The following SLC39A8 variants were observed in gnomAD, a reference collection of about 807,000 sequenced individuals.
The protein encoded by SLC39A8 is solute carrier family 39 member 8.
Under a neutral mutation model 40.4 loss-of-function variants are expected in SLC39A8, and 15 were observed. The observed-to-expected ratio is 0.37, with a 90% confidence interval of 0.25 to 0.57. The LOEUF (loss-of-function observed/expected upper bound fraction) is 0.57. SLC39A8 is among the 20% of genes least tolerant of loss of function. The pLI is 0.75. For missense variants in SLC39A8, 472 were observed against 558.8 expected (o/e 0.84, Z 1.57); for synonymous variants, 223 against 221.6 (o/e 1.01, Z -0.06).
chr4:102,306,941 G>A (rs373238785), intron 4 of SLC39A8, among the ~76,000 whole-genome samples: 3 of 151,800 alleles, frequency 2.0e-5, no homozygotes, highest in East Asian at 3.9e-4. Context: ...TCCACAGTTG[G>A]AAAAAATGAA....
chr4:102,302,698 G>C (rs1326397982), intron 6 of SLC39A8, among the ~76,000 whole-genome samples: 2 of 151,830 alleles, frequency 1.3e-5, no homozygotes, highest in African/African-American at 4.8e-5. Context: ...AGCATCTTTG[G>C]GTTTGCTATT....
At chr4:102,267,383 G>C in intron 8 of SLC39A8, 107 bp downstream of exon 8, 1 of 941,480 alleles carries the variant, frequency 1.1e-6, no homozygotes, top group Non-Finnish European at 1.6e-6. Flanking sequence ...CAACAGAAAG[G>C]CCTTCCACAC....
At chr4:102,269,016 C>A (rs1043114142) in intron 6 of SLC39A8, among the ~76,000 whole-genome samples, 4 of 152,150 alleles carry the variant, frequency 2.6e-5, no homozygotes, top group Non-Finnish European at 5.9e-5. Flanking sequence ...ACCTAAGCAG[C>A]TAATCATTAC....
Position 102,261,995 on chromosome 4 carries a change from T to C in SLC39A8, c.*1049A>G, listed in dbSNP as rs2149000643. 1 of 985,926 alleles carries C rather than the reference T, an allele frequency of 1.0e-6. No homozygotes were observed. Among genetic ancestry groups the C allele is most frequent in the South Asian group, 4.7e-5 (1 of 21,286 alleles). The allele number at this position is 985,926 out of a possible 1,614,324, so 61.1% of individuals were successfully genotyped here. On this transcript the variant is annotated 3_prime_UTR_variant, in exon 9 of 9. Coordinates refer to ENST00000356736, the MANE Select transcript of SLC39A8 (RefSeq NM_001135146.2). ...AAAATAACCATGGTGTGCTAATTTTTTTCAAGGTATACCATATGGAAAAGT... is the reference window on the plus strand; with the variant it reads ...AAAATAACCATGGTGTGCTAATTTTCTTCAAGGTATACCATATGGAAAAGT...
chr4:102,291,325 A>C (rs1385426017), intron 6 of SLC39A8, among the ~76,000 whole-genome samples: 1 of 151,494 alleles, frequency 6.6e-6, no homozygotes, highest in Non-Finnish European at 1.5e-5. Context: ...GTTATTCAGC[A>C]CACACACACA....
chr4:102,339,674 C>T (rs1204124834), intron 2 of SLC39A8, among the ~76,000 whole-genome samples: 1 of 152,124 alleles, frequency 6.6e-6, no homozygotes, highest in Non-Finnish European at 1.5e-5. Flanking sequence ...CTTTTGCATA[C>T]TCTTCAGCCA....
At chr4:102,314,942 C>G (rs1734593103) in intron 3 of SLC39A8, among the ~76,000 whole-genome samples, 1 of 152,028 alleles carries the variant, frequency 6.6e-6, no homozygotes, top group Non-Finnish European at 1.5e-5. Flanking sequence ...CTTGGTATGT[C>G]GTTCAATAAA....
chr4:102,264,249 G>T (rs560429094), intron 8 of SLC39A8, among the ~76,000 whole-genome samples: 2 of 152,298 alleles, frequency 1.3e-5, no homozygotes, highest in African/African-American at 2.4e-5. Flanking sequence ...ATGGACTGCG[G>T]AATGTATGTT....
rs139610729 is a variant in SLC39A8 at position 102,272,920 on chromosome 4, C to T, written c.841-4841G>A. Among the ~76,000 whole-genome samples the T allele has an allele frequency of 1.2e-4, 18 of 152,266 alleles. No individual in the cohort carries two copies. In the East Asian group the frequency reaches 3.3e-3, roughly 28 times the overall value. ...GGGACAGTGCTCTCCAGCCCAGATA[C>T]TATGCTTTTCCCAAGGTCTTTGCAA... On this transcript the variant is annotated intron_variant, in intron 6 of 8. Coordinates refer to ENST00000356736, the MANE Select transcript of SLC39A8 (RefSeq NM_001135146.2).
chr4:102,289,781 G>C (rs1733341134), intron 6 of SLC39A8, among the ~76,000 whole-genome samples: 1 of 152,274 alleles, frequency 6.6e-6, no homozygotes, highest in African/African-American at 2.4e-5. Context: ...GCAATCTCAT[G>C]ATCAAACTTG....
chr4:102,324,079 G>T (rs1347682919), intron 2 of SLC39A8, among the ~76,000 whole-genome samples: 2 of 152,052 alleles, frequency 1.3e-5, no homozygotes, highest in African/African-American at 2.4e-5. Context: ...TAACAAAACT[G>T]CCCTTGTACT....
chr4:102,270,144 T>G (rs1732282866), intron 6 of SLC39A8, among the ~76,000 whole-genome samples: 1 of 152,220 alleles, frequency 6.6e-6, no homozygotes, highest in Admixed American at 6.5e-5. Flanking sequence ...TTTGTCTAAT[T>G]ACATGTTTAA....
At position 102,304,470 on chromosome 4, in the gene SLC39A8, G is replaced by C. The variant is rs1297785551; in HGVS notation, c.687C>G (p.Thr229=). 2 of 1,609,356 alleles carry C rather than the reference G, an allele frequency of 1.2e-6. No homozygotes were observed. The highest frequency in any genetic ancestry group is 2.7e-5 in the African/African-American group (2 of 74,530). The change falls in exon 6 of 9, where the codon ACC becomes ACG. Residue 229 remains threonine, a synonymous_variant. Coordinates refer to ENST00000356736, the MANE Select transcript of SLC39A8 (RefSeq NM_001135146.2). ...GACCAAAGTTATCATTTCCAAAGTG[G>C]GTATGACCATTCTATATGGGAACAA... ...LLKTYGQNGH[T]HFGNDNFGPQ...
At chr4:102,339,343 A>G (rs375375400) in intron 2 of SLC39A8, among the ~76,000 whole-genome samples, 1 of 151,946 alleles carries the variant, frequency 6.6e-6, no homozygotes, top group Admixed American at 6.6e-5. Flanking sequence ...AAAAGAACAA[A>G]TGTTCTTTAT....
At chr4:102,329,066 T>C (rs1735339193) in intron 2 of SLC39A8, among the ~76,000 whole-genome samples, 1 of 151,092 alleles carries the variant, frequency 6.6e-6, no homozygotes, top group Non-Finnish European at 1.5e-5. Context: ...TGTAGCATAG[T>C]CTGGTAAGTG....
intron 6 of SLC39A8, among the ~76,000 whole-genome samples, chr4:102,281,118 C>CA (rs1316090581): frequency 6.6e-6 from 1 of 152,148 alleles, no homozygotes; most frequent in Non-Finnish European, 1.5e-5. Flanking sequence ...CACAGGATAT[C>CA]ATTTCTTATA....
At chr4:102,340,406 T>C (rs1195614007) in intron 2 of SLC39A8, among the ~76,000 whole-genome samples, 1 of 152,210 alleles carries the variant, frequency 6.6e-6, no homozygotes, top group Non-Finnish European at 1.5e-5. Context: ...TGAAGGGACT[T>C]CGACTACACT....
At position 102,324,970 on chromosome 4, in the gene SLC39A8, T is replaced by C. The variant is rs145674004; in HGVS notation, c.220-9140A>G. Reference sequence around the variant, plus strand: ...CAGGAACATTCAAAGCACGAGTGACTGAGGAAATTGCTTCCAGATTTGTTC... The same window carrying C: ...CAGGAACATTCAAAGCACGAGTGACCGAGGAAATTGCTTCCAGATTTGTTC... On this transcript the variant is annotated intron_variant, in intron 2 of 8. Transcript: ENST00000356736. Among the ~76,000 whole-genome samples the C allele has an allele frequency of 1.3e-3, 200 of 152,262 alleles. No homozygotes were observed. The Middle Eastern group carries it at 0.02, about 16-fold the overall frequency.
intron 4 of SLC39A8, among the ~76,000 whole-genome samples, chr4:102,306,115 T>C (rs1734160183): frequency 6.6e-6 from 1 of 151,972 alleles, no homozygotes; most frequent in African/African-American, 2.4e-5. Flanking sequence ...TACAAAAAAC[T>C]CTATGAAAAT....
Sources: gnomAD v4.1 joint callset for allele counts (sites outside exome capture counted in the v4.1 genomes callset) on GRCh38, gnomAD v4.1.1 for gene constraint, MANE v1.5 for transcripts, NCBI Gene and HGNC (gene_info 2026-07-23, HGNC 2026-07-21) for gene names.